SUCLG2: variants seen among roughly 807,000 people sequenced by gnomAD.
The protein encoded by SUCLG2 is succinate-CoA ligase GDP-forming subunit beta.
SUCLG2 carries 42 observed loss-of-function variants against 47.9 expected under a neutral mutation model. The observed-to-expected ratio is 0.88, with a 90% CI of 0.69 to 1.14. The LOEUF (loss-of-function observed/expected upper bound fraction) is 1.14. SUCLG2 is among the 50% of genes most tolerant of loss of function. SUCLG2 has a pLI of 0.00. For synonymous variants in SUCLG2, 195 were observed against 197.3 expected (o/e 0.99, Z 0.10); for missense variants, 571 against 525.9 (o/e 1.09, Z -0.84).
At chr3:67,391,062 T>C (rs1420268575) in intron 10 of SUCLG2, among the ~76,000 whole-genome samples, 3 of 152,238 alleles carry the variant, frequency 2.0e-5, no homozygotes, top group African/African-American at 7.2e-5. Flanking sequence ...ATCTTCTCAA[T>C]TTTATTTTCC....
At chr3:67,520,896 T>G (rs1208979264) in intron 4 of SUCLG2, among the ~76,000 whole-genome samples, 2 of 152,190 alleles carry the variant, frequency 1.3e-5, no homozygotes, top group African/African-American at 4.8e-5. Flanking sequence ...TAATCTTCTT[T>G]TTTGTCCTTC....
At chr3:67,390,368 T>C (rs766453647) in intron 10 of SUCLG2, among the ~76,000 whole-genome samples, 2 of 152,222 alleles carry the variant, frequency 1.3e-5, no homozygotes, top group Admixed American at 6.5e-5. Flanking sequence ...TCAGGCTTGA[T>C]GTAGTGGGAT....
intron 2 of SUCLG2, among the ~76,000 whole-genome samples, chr3:67,583,012 C>A (rs1707921923): frequency 6.6e-6 from 1 of 152,144 alleles, no homozygotes; most frequent in South Asian, 2.1e-4. Flanking sequence ...TAGTGAATGG[C>A]AGTTACTTGT....
chr3:67,549,696 A>G (rs1162391679), intron 2 of SUCLG2, among the ~76,000 whole-genome samples: 3 of 152,186 alleles, frequency 2.0e-5, no homozygotes, highest in Non-Finnish European at 4.4e-5. Flanking sequence ...GTAACAGTAC[A>G]TTGTTATGAG....
chr3:67,404,959 G>A (rs1193324113), intron 9 of SUCLG2, among the ~76,000 whole-genome samples: 2 of 146,226 alleles, frequency 1.4e-5, no homozygotes. Flanking sequence ...CAGCCCCCTG[G>A]CAAAGAGAAT....
intron 9 of SUCLG2, among the ~76,000 whole-genome samples, chr3:67,476,415 T>C (rs55906608): frequency 0.033 from 4,991 of 152,164 alleles, 138 homozygotes; most frequent in East Asian, 0.13. Flanking sequence ...GAGAATCTAA[T>C]GCCTGATGAT....
intron 9 of SUCLG2, among the ~76,000 whole-genome samples, chr3:67,474,148 TA>T (rs776806234): frequency 7.9e-5 from 12 of 152,034 alleles, no homozygotes; most frequent in Non-Finnish European, 1.6e-4. Context: ...TAGTCCCAGA[TA>T]CTCAGGAGGC....
chr3:67,597,279 T>A (rs1360171889), intron 2 of SUCLG2, among the ~76,000 whole-genome samples: 1 of 152,200 alleles, frequency 6.6e-6, no homozygotes, highest in African/African-American at 2.4e-5. Context: ...GCTTCCTTAG[T>A]TTTACCTTCT....
chr3:67,582,794 T>TA (rs2107261051), intron 2 of SUCLG2, among the ~76,000 whole-genome samples: 1 of 152,274 alleles, frequency 6.6e-6, no homozygotes, highest in African/African-American at 2.4e-5. Context: ...TTTGACTTTT[T>TA]ACTAGTAGCC....
intron 2 of SUCLG2, among the ~76,000 whole-genome samples, chr3:67,553,667 A>C (rs1248462219): frequency 6.6e-6 from 1 of 152,174 alleles, no homozygotes; most frequent in African/African-American, 2.4e-5. Flanking sequence ...AAAATCTACT[A>C]AGTATTAAAT....
At chr3:67,557,717 C>T (rs1331703559) in intron 2 of SUCLG2, among the ~76,000 whole-genome samples, 1 of 152,148 alleles carries the variant, frequency 6.6e-6, no homozygotes, top group African/African-American at 2.4e-5. Flanking sequence ...ATCAGAATCA[C>T]TTGTAGTGCA....
intron 9 of SUCLG2, among the ~76,000 whole-genome samples, chr3:67,471,835 A>G (rs1704613278): frequency 6.6e-6 from 1 of 152,140 alleles, no homozygotes; most frequent in Admixed American, 6.5e-5. Flanking sequence ...CATGGAGCAA[A>G]CCACATCCAT....
At chr3:67,383,565 A>G (rs146609805) in intron 10 of SUCLG2, among the ~76,000 whole-genome samples, 425 of 152,320 alleles carry the variant, frequency 2.8e-3, no homozygotes, top group African/African-American at 9.6e-3. Flanking sequence ...TGAATGTGAT[A>G]GTTATTCGGA....
Position 67,548,309 on chromosome 3 carries a change from T to C in SUCLG2, c.227-19123A>G, listed in dbSNP as rs527824619. Among the ~76,000 whole-genome samples the C allele has an allele frequency of 2.6e-5, 4 of 152,284 alleles. No homozygotes were observed. In the East Asian group the frequency reaches 7.7e-4, roughly 29 times the overall value. The stretch of plus-strand genomic sequence containing the variant: ...TCTATTATTAAAATTTCCAATCACA[T>C]AGAAATGTCAAATGACTAGTAAATA... On this transcript the variant is annotated intron_variant, in intron 2 of 10. Transcript: ENST00000307227.
At chr3:67,642,692 A>G (rs1701121839) in intron 1 of SUCLG2, among the ~76,000 whole-genome samples, 1 of 152,170 alleles carries the variant, frequency 6.6e-6, no homozygotes, top group African/African-American at 2.4e-5. Context: ...TGCCATGAAT[A>G]CTCAACATGA....
At chr3:67,399,318 C>A (rs74915261) in intron 10 of SUCLG2, among the ~76,000 whole-genome samples, 2 of 152,122 alleles carry the variant, frequency 1.3e-5, no homozygotes, top group African/African-American at 4.8e-5. Context: ...GAAAAGTGTT[C>A]GTGCAACTGT....
chr3:67,457,259 G>A (rs1279777649), intron 9 of SUCLG2, among the ~76,000 whole-genome samples: 5 of 152,128 alleles, frequency 3.3e-5, no homozygotes, highest in Admixed American at 3.3e-4. Context: ...AATGTATCCG[G>A]AAACAGGTAA....
intron 2 of SUCLG2, among the ~76,000 whole-genome samples, chr3:67,531,364 CCT>C (rs947244158): frequency 3.9e-5 from 6 of 152,172 alleles, no homozygotes; most frequent in African/African-American, 1.4e-4. Flanking sequence ...GAGATGCTTT[CCT>C]CTCTGAGCTT....
rs76350956 is a variant in SUCLG2, at chr3:67,375,987, C to T, written c.1184-128G>A. 6.6e-4 allele frequency: 921 copies of T among 1,400,080 alleles called. 4 individuals carry two copies. In the African/African-American group the frequency reaches 0.012, roughly 18 times the overall value. 86.7% of individuals were successfully genotyped at this position (1,400,080 alleles called of 1,614,324 possible). ...AGGAAATGAATTAAATATAGGTTCT[C>T]ATCAAGGTCACTGACAGAAAAGATT... is the stretch of plus-strand genomic sequence containing the variant. On this transcript the variant is annotated intron_variant, in intron 10 of 10. Coordinates refer to ENST00000307227, the MANE Select transcript of SUCLG2 (RefSeq NM_003848.4).
Sources: gnomAD v4.1 joint callset for allele counts (sites outside exome capture counted in the v4.1 genomes callset) on GRCh38, gnomAD v4.1.1 for gene constraint, MANE v1.5 for transcripts, NCBI Gene and HGNC (gene_info 2026-07-23, HGNC 2026-07-21) for gene names.